VIPR2: variants seen among roughly 807,000 people sequenced by gnomAD.
The protein encoded by VIPR2 is vasoactive intestinal peptide receptor 2.
VIPR2 carries 48 observed loss-of-function variants against 58.0 expected under a neutral mutation model. That is an observed-to-expected ratio of 0.83 (90% CI 0.66 to 1.05). VIPR2 has a LOEUF of 1.05. Among genes scored for constraint, VIPR2 ranks in the 50% least tolerant of loss-of-function variants. The pLI is 0.00. For synonymous variants in VIPR2, 243 were observed against 235.2 expected (o/e 1.03, Z -0.30); for missense variants, 534 against 558.0 (o/e 0.96, Z 0.43).
intron 4 of VIPR2, among the ~76,000 whole-genome samples, chr7:159,070,974 T>G (rs1856359124): frequency 6.6e-6 from 1 of 152,180 alleles, no homozygotes; most frequent in Admixed American, 6.5e-5. Flanking sequence ...GCCCACAGAC[T>G]GGCTGACTGT....
chr7:159,056,904 T>TG (rs1855356439), intron 5 of VIPR2, among the ~76,000 whole-genome samples: 1 of 152,178 alleles, frequency 6.6e-6, no homozygotes, highest in African/African-American at 2.4e-5. Flanking sequence ...GGACACTATG[T>TG]GGTCACCAGC....
chr7:159,088,600 A>T (rs1857312424), intron 4 of VIPR2, among the ~76,000 whole-genome samples: 2 of 152,244 alleles, frequency 1.3e-5, no homozygotes, highest in South Asian at 4.1e-4. Flanking sequence ...CATCACAGCG[A>T]GCAAGTGCAC....
At chr7:159,117,989 A>C (rs987849268) in intron 2 of VIPR2, among the ~76,000 whole-genome samples, 2 of 152,204 alleles carry the variant, frequency 1.3e-5, no homozygotes, top group African/African-American at 2.4e-5. Flanking sequence ...CTTATGTCTC[A>C]AGTGACAACA....
At chr7:159,112,901 G>A (rs1439098397) in intron 2 of VIPR2, among the ~76,000 whole-genome samples, 2 of 151,060 alleles carry the variant, frequency 1.3e-5, no homozygotes, top group African/African-American at 2.4e-5. Context: ...GATCCTGACC[G>A]TGAGGAGGAG....
chr7:159,094,202 G>A (rs1177911631), intron 4 of VIPR2, among the ~76,000 whole-genome samples: 2 of 152,212 alleles, frequency 1.3e-5, no homozygotes, highest in African/African-American at 4.8e-5. Flanking sequence ...CATCTGGGAT[G>A]TGAAACCTGT....
rs754896998 is a variant in VIPR2, at chr7:159,109,892, G to A, written c.179C>T (p.Thr60Met). ...KACSGVWDNI[T>M]CWRPANVGET... ...TCCCACATTGGCAGGCCGCCAGCAC[G>A]TGATGTTGTCCCAGACGCCACTGCA... is the stretch of plus-strand genomic sequence containing the variant. The change falls in exon 3 of 13, where the codon ACG (threonine) becomes ATG (methionine). Residue 60 changes from threonine to methionine, a missense_variant. By Grantham distance (81) the Thr-to-Met change is moderately conservative. Around this residue, in one of 3 missense-constraint regions of VIPR2, gnomAD observed 224 missense variants for 255.7 expected, o/e 0.88. Coordinates refer to ENST00000262178, the MANE Select transcript of VIPR2 (RefSeq NM_003382.5). 1.2e-5 allele frequency: 20 copies of A among 1,613,850 alleles called. No individual in the cohort carries two copies. Among genetic ancestry groups the A allele is most frequent in the Admixed American group, 5.0e-5 (3 of 60,016 alleles).
chr7:159,034,646 A>G lies in VIPR2; in HGVS notation c.814T>C (p.Trp272Arg), dbSNP rs1267014504. Residue 272 changes from tryptophan to arginine, a missense_variant, in exon 9 of 13, where the codon TGG (tryptophan) becomes CGG (arginine). Physicochemically the swap from Trp to Arg is moderately radical, Grantham distance 101 (BLOSUM62 -3). Around this residue, in one of 3 missense-constraint regions of VIPR2, gnomAD observed 306 missense variants for 285.8 expected, o/e 1.07. Transcript: ENST00000262178. ...GGCACACTGTGGTCGTTTGTATCCC[A>G]GCAACTGTCAGAGAGAGATGGGAAA... ...ARLYLEDTGC[W>R]DTNDHSVPWW... The G allele has an allele frequency of 6.2e-7, 1 of 1,613,636 alleles. No homozygotes were observed. The highest frequency in any genetic ancestry group is 1.3e-5 in the African/African-American group (1 of 74,916).
chr7:159,062,478 C>A (rs1397346954), intron 4 of VIPR2, among the ~76,000 whole-genome samples: 1 of 152,154 alleles, frequency 6.6e-6, no homozygotes, highest in African/African-American at 2.4e-5. Flanking sequence ...AAGAGTGAAG[C>A]TGCAGACCTT....
At chr7:159,088,152 A>G (rs1180082498) in intron 4 of VIPR2, among the ~76,000 whole-genome samples, 1 of 152,190 alleles carries the variant, frequency 6.6e-6, no homozygotes, top group Non-Finnish European at 1.5e-5. Flanking sequence ...TCCTCTACCT[A>G]CTAGAGCACA....
intron 4 of VIPR2, among the ~76,000 whole-genome samples, chr7:159,072,363 C>G (rs1206907012): frequency 6.6e-6 from 1 of 151,986 alleles, no homozygotes; most frequent in Non-Finnish European, 1.5e-5. Context: ...CAAATAAACT[C>G]AAAAAATAAA....
chr7:159,062,291 G>C (rs934673172), intron 4 of VIPR2, among the ~76,000 whole-genome samples: 1 of 152,220 alleles, frequency 6.6e-6, no homozygotes, highest in Non-Finnish European at 1.5e-5. Context: ...TGGGGGTCCT[G>C]GCGAGGTGTT....
rs940353877 is a variant in VIPR2, at chr7:159,098,652, G to A, written c.357+5105C>T. On this transcript the variant is annotated intron_variant, in intron 4 of 12. Coordinates refer to ENST00000262178, the MANE Select transcript of VIPR2 (RefSeq NM_003382.5). The surrounding 1 kb of genome is among the most constrained non-coding windows in gnomAD (Gnocchi z 5.2). ...GGGCTGCCCTAGAGCCCTCTGGTCC[G>A]CAGAGCCCTTCTCCTCCCAGGGGCT... Among the ~76,000 whole-genome samples the A allele has an allele frequency of 2.0e-5, 3 of 152,132 alleles. No individual in the cohort carries two copies. Among genetic ancestry groups the A allele is most frequent in the African/African-American group, 7.2e-5 (3 of 41,432 alleles).
intron 4 of VIPR2, among the ~76,000 whole-genome samples, chr7:159,100,358 C>G (rs1490140949): frequency 6.6e-6 from 1 of 152,060 alleles, no homozygotes; most frequent in Non-Finnish European, 1.5e-5. Flanking sequence ...CCAATGCCAG[C>G]CAGCACCACC....
chr7:159,038,919 G>A (rs1239309263), intron 6 of VIPR2, among the ~76,000 whole-genome samples: 5 of 152,126 alleles, frequency 3.3e-5, no homozygotes, highest in African/African-American at 9.7e-5. Context: ...TTTTTATGAC[G>A]CCAATATTAC....
intron 3 of VIPR2, among the ~76,000 whole-genome samples, chr7:159,105,724 C>T (rs1200315765): frequency 6.6e-6 from 1 of 152,156 alleles, no homozygotes; most frequent in East Asian, 1.9e-4. Flanking sequence ...ACCCCATACA[C>T]GGTAGAGGCA....
intron 5 of VIPR2, among the ~76,000 whole-genome samples, chr7:159,055,902 G>C (rs957860001): frequency 6.6e-6 from 1 of 152,226 alleles, no homozygotes; most frequent in Non-Finnish European, 1.5e-5. Flanking sequence ...GGAGGTAGTA[G>C]AAAGTGTGGC....
intron 5 of VIPR2, among the ~76,000 whole-genome samples, chr7:159,044,103 T>C (rs1191032172): frequency 6.6e-6 from 1 of 152,186 alleles, no homozygotes; most frequent in African/African-American, 2.4e-5. Context: ...TGGTTAAGCA[T>C]TGAAGGAGTG....
intron 2 of VIPR2, among the ~76,000 whole-genome samples, chr7:159,132,165 A>G (rs1796937131): frequency 7.8e-6 from 1 of 128,774 alleles, no homozygotes; most frequent in Admixed American, 8.4e-5. Flanking sequence ...TAAACACAGC[A>G]CTGTGCCTCA....
chr7:159,035,987 T>A lies in VIPR2; in HGVS notation c.774A>T (p.Ala258=). The A allele has an allele frequency of 6.2e-7, 1 of 1,613,580 alleles. No individual in the cohort carries two copies. Among genetic ancestry groups the A allele is most frequent in the Admixed American group, 1.7e-5 (1 of 59,996 alleles). ...GWGLPTVCIG[A]WTAARLYLED... is the part of the protein sequence containing the mutation. Reference sequence around the variant, plus strand: ...CTAAGTAGAGCCTGGCCGCAGTCCATGCACCGATGCAGACGGTGGGGAGGC... The same window carrying A: ...CTAAGTAGAGCCTGGCCGCAGTCCAAGCACCGATGCAGACGGTGGGGAGGC... Residue 258 remains alanine, a synonymous_variant, in exon 8 of 13, where the codon GCA becomes GCT. Transcript: ENST00000262178.
Sources: gnomAD v4.1 joint callset for allele counts (sites outside exome capture counted in the v4.1 genomes callset) on GRCh38, gnomAD v4.1.1 for gene constraint, gnomAD v4.1.1 regional missense constraint, Gnocchi (gnomAD v3.1) non-coding constraint, MANE v1.5 for transcripts, NCBI Gene and HGNC (gene_info 2026-07-23, HGNC 2026-07-21) for gene names.